Variants in NRXN1 observed in about 807,000 individuals in gnomAD.
NRXN1 encodes neurexin 1, also known as neurexin-1.
Under a neutral mutation model 150.9 loss-of-function variants are expected in NRXN1, and 39 were observed. The observed-to-expected ratio is 0.26, with a 90% CI of 0.20 to 0.34. The LOEUF (loss-of-function observed/expected upper bound fraction) is 0.34, where lower values mean the gene tolerates loss of function less well. NRXN1 is among the 10% of genes least tolerant of loss of function. The pLI is 1.00. For missense variants in NRXN1, 1,815 were observed against 1,949.9 expected (o/e 0.93, Z 1.30); for synonymous variants, 924 against 757.0 (o/e 1.22, Z -3.62).
chr2:50,571,796 C>G (rs1420240333), intron 8 of NRXN1, among the ~76,000 whole-genome samples: 1 of 152,064 alleles, frequency 6.6e-6, no homozygotes, highest in Non-Finnish European at 1.5e-5. Flanking sequence ...GAAAACCATT[C>G]AGATGCTTGG....
intron 21 of NRXN1, among the ~76,000 whole-genome samples, chr2:50,021,518 C>G (rs1319063102): frequency 6.6e-6 from 1 of 152,132 alleles, no homozygotes; most frequent in Non-Finnish European, 1.5e-5. Context: ...CACATAGTTA[C>G]TAAATGCTTC....
intron 18 of NRXN1, among the ~76,000 whole-genome samples, chr2:50,220,859 C>T (rs995734987): frequency 6.6e-6 from 1 of 151,976 alleles, no homozygotes; most frequent in African/African-American, 2.4e-5. Flanking sequence ...TTCCCCTAAG[C>T]CACTCTGCTG....
intron 5 of NRXN1, among the ~76,000 whole-genome samples, chr2:50,724,687 G>A (rs1697107555): frequency 6.6e-6 from 1 of 151,942 alleles, no homozygotes; most frequent in Non-Finnish European, 1.5e-5. Context: ...AAACTATCTA[G>A]ACAGCTAAAG....
chr2:50,898,077 A>G (rs1053993029), intron 5 of NRXN1, among the ~76,000 whole-genome samples: 11 of 152,168 alleles, frequency 7.2e-5, no homozygotes, highest in African/African-American at 1.9e-4. Context: ...CTTGAATTGC[A>G]TTAGGTCTAG....
At chr2:50,442,868 T>C (rs79188529) in intron 17 of NRXN1, among the ~76,000 whole-genome samples, 3 of 152,276 alleles carry the variant, frequency 2.0e-5, no homozygotes, top group East Asian at 3.9e-4. Flanking sequence ...GTGCCTTGTT[T>C]TGAAATTGAT....
rs1189467766 is a variant in NRXN1 at position 50,252,243 on chromosome 2, T to A, written c.3365-15273A>T. Among the ~76,000 whole-genome samples, 799 of 131,776 alleles carry A rather than the reference T, an allele frequency of 6.1e-3. 6 individuals carry two copies. Among genetic ancestry groups the A allele is most frequent in the African/African-American group, 0.022 (764 of 34,024 alleles). 86.5% of individuals were successfully genotyped at this position (131,776 alleles called of 152,430 possible). A position where few individuals can be genotyped will look rare whatever the true frequency, so the allele number is the denominator to read the frequency against. Reference sequence around the variant, plus strand: ...TAAATACATTTTGTCCTTTTTTTTTTTTCTTTTTTCTTTTCTTTTTTTTTT... The same window carrying A: ...TAAATACATTTTGTCCTTTTTTTTTATTCTTTTTTCTTTTCTTTTTTTTTT... On this transcript the variant is annotated intron_variant, in intron 17 of 22. Transcript: ENST00000401669.
Position 50,359,811 on chromosome 2 carries a change from TCAC to T in NRXN1, c.3364+105628_3364+105630del, listed in dbSNP as rs1490751995. ...ACCCCAAAACACATAATCATCAGAT[TCAC>T]CAAGGTTGAAATGAAGGAAAAAATG... is the stretch of plus-strand genomic sequence containing the variant. On this transcript the variant is annotated intron_variant, in intron 17 of 22. Transcript: ENST00000401669. 9.9e-5 allele frequency among the ~76,000 whole-genome samples: 15 copies of T among 152,136 alleles called. No individual in the cohort carries two copies. The East Asian group carries it at 2.9e-3, about 30-fold the overall frequency.
intron 17 of NRXN1, among the ~76,000 whole-genome samples, chr2:50,429,445 G>C (rs1213631630): frequency 2.0e-5 from 3 of 151,872 alleles, no homozygotes; most frequent in African/African-American, 7.3e-5. Flanking sequence ...TTAGTAGGGA[G>C]GGGGTTTCAT....
At chr2:50,586,724 C>T (rs917296565) in intron 8 of NRXN1, among the ~76,000 whole-genome samples, 1 of 152,066 alleles carries the variant, frequency 6.6e-6, no homozygotes, top group African/African-American at 2.4e-5. Flanking sequence ...CTACCATTAC[C>T]CTAAGTGGAA....
chr2:50,090,316 A>G (rs1263865454), intron 19 of NRXN1, among the ~76,000 whole-genome samples: 2 of 152,194 alleles, frequency 1.3e-5, no homozygotes, highest in African/African-American at 2.4e-5. Context: ...CAAGAACCAA[A>G]TAAGTGTGAT....
intron 8 of NRXN1, among the ~76,000 whole-genome samples, chr2:50,585,598 G>C (rs961023711): frequency 2.0e-5 from 3 of 152,036 alleles, no homozygotes; most frequent in Non-Finnish European, 4.4e-5. Context: ...TGAATATAAA[G>C]TACTTTACCT....
intron 19 of NRXN1, among the ~76,000 whole-genome samples, chr2:50,065,777 A>G (rs754333770): frequency 3.3e-5 from 5 of 152,170 alleles, no homozygotes; most frequent in Non-Finnish European, 7.4e-5. Context: ...AGCCACAAGC[A>G]TAATAATCCA....
chr2:50,326,650 T>A (rs1321984190), intron 17 of NRXN1, among the ~76,000 whole-genome samples: 1 of 152,206 alleles, frequency 6.6e-6, no homozygotes, highest in Non-Finnish European at 1.5e-5. Flanking sequence ...TTGCTTATAG[T>A]TGTTTCTATC....
At chr2:49,956,463 A>G (rs183444046) in intron 21 of NRXN1, among the ~76,000 whole-genome samples, 7 of 152,246 alleles carry the variant, frequency 4.6e-5, no homozygotes, top group Non-Finnish European at 7.4e-5. Flanking sequence ...CAACTAATAA[A>G]TGGTGCCAGT....
chr2:50,596,017 T>C (rs1675142352), intron 8 of NRXN1, among the ~76,000 whole-genome samples: 1 of 152,186 alleles, frequency 6.6e-6, no homozygotes, highest in Admixed American at 6.5e-5. Context: ...TGCATAAGCA[T>C]ATATATTCCT....
intron 17 of NRXN1, among the ~76,000 whole-genome samples, chr2:50,367,628 C>T (rs1039080720): frequency 6.6e-6 from 1 of 151,994 alleles, no homozygotes; most frequent in African/African-American, 2.4e-5. Flanking sequence ...GATCCCCATC[C>T]TCTCTTGAAG....
intron 15 of NRXN1, among the ~76,000 whole-genome samples, chr2:50,487,277 T>TA (rs2090941188): frequency 6.6e-6 from 1 of 152,218 alleles, no homozygotes; most frequent in Non-Finnish European, 1.5e-5. Context: ...CAGGTCTTTC[T>TA]GACGTCAAAG....
chr2:50,582,839 C>A (rs1054317179), intron 8 of NRXN1, among the ~76,000 whole-genome samples: 3 of 152,142 alleles, frequency 2.0e-5, no homozygotes, highest in Non-Finnish European at 4.4e-5. Flanking sequence ...CCATCAACCC[C>A]CGCAATAGCT....
chr2:50,784,883 G>C (rs1704861952), intron 5 of NRXN1, among the ~76,000 whole-genome samples: 1 of 152,082 alleles, frequency 6.6e-6, no homozygotes, highest in Admixed American at 6.6e-5. Context: ...AGGGGCGTCT[G>C]AAAGGGATAT....
Sources: allele counts gnomAD v4.1 joint callset (sites outside exome capture counted in the v4.1 genomes callset), GRCh38; gene constraint gnomAD v4.1.1; transcripts MANE v1.5; gene names NCBI Gene and HGNC (gene_info 2026-07-23, HGNC 2026-07-21).